Variants in KCNG3 observed in about 807,000 individuals in gnomAD.
The protein encoded by KCNG3 is voltage-gated potassium channel regulatory subunit KCNG3.
Under a neutral mutation model 29.0 loss-of-function variants are expected in KCNG3, and 15 were observed. That is an observed-to-expected ratio of 0.52 (90% CI 0.35 to 0.80). The LOEUF (loss-of-function observed/expected upper bound fraction) is 0.80, where lower values mean the gene tolerates loss of function less well. KCNG3 is among the 30% of genes least tolerant of loss of function. KCNG3 has a pLI of 0.01. For missense variants in KCNG3, 512 were observed against 605.7 expected (o/e 0.85, Z 1.62); for synonymous variants, 322 against 248.9 (o/e 1.29, Z -2.76).
chr2:42,477,931 G>A (rs1673479979), intron 1 of KCNG3, among the ~76,000 whole-genome samples: 1 of 151,892 alleles, frequency 6.6e-6, no homozygotes, highest in African/African-American at 2.4e-5. Flanking sequence ...CATCCCACAG[G>A]GTTTTATACC....
chr2:42,479,718 T>C (rs1673534298), intron 1 of KCNG3, among the ~76,000 whole-genome samples: 1 of 147,980 alleles, frequency 6.8e-6, no homozygotes, highest in South Asian at 2.2e-4. Context: ...TCTCTGAAAT[T>C]AACACAAATC....
chr2:42,463,933 C>T (rs6544548), intron 1 of KCNG3: 197,298 of 334,308 alleles, frequency 0.59, 60,014 homozygotes, highest in Middle Eastern at 0.74. Context: ...GCCTAATCCA[C>T]AGCCCTTGGT....
intron 1 of KCNG3, among the ~76,000 whole-genome samples, chr2:42,474,107 A>T (rs1222712747): frequency 6.9e-6 from 1 of 144,026 alleles, no homozygotes; most frequent in Non-Finnish European, 1.5e-5. Flanking sequence ...AGCCGAGATC[A>T]CCCCTTGCTG....
At chr2:42,435,556 C>A in the KCNG3 span, among the ~76,000 whole-genome samples, 2 of 152,106 alleles carry the variant, frequency 1.3e-5, no homozygotes, top group Non-Finnish European at 2.9e-5. Flanking sequence ...ATAAACAACT[C>A]TTAAAATCCA....
At chr2:42,477,436 T>TGAGACGGAGTC in intron 1 of KCNG3, among the ~76,000 whole-genome samples, 1 of 89,258 alleles carries the variant, frequency 1.1e-5, no homozygotes. Context: ...TATTTTTTTT[T>TGAGACGGAGTC]TTTTTTTTTG....
At chr2:42,448,009 A>G (rs1415792423) in intron 1 of KCNG3, among the ~76,000 whole-genome samples, 1 of 152,180 alleles carries the variant, frequency 6.6e-6, no homozygotes, top group Non-Finnish European at 1.5e-5. Flanking sequence ...AATGCATAGG[A>G]GTGTCTATTC....
At chr2:42,431,156 G>A in the KCNG3 span, among the ~76,000 whole-genome samples, 1 of 151,014 alleles carries the variant, frequency 6.6e-6, no homozygotes. Flanking sequence ...TTATGAAAAA[G>A]TTGCTATAAT....
the KCNG3 span, among the ~76,000 whole-genome samples, chr2:42,390,857 C>T: frequency 6.6e-6 from 1 of 152,192 alleles, no homozygotes; most frequent in Non-Finnish European, 1.5e-5. Context: ...CTTATATTTT[C>T]ATTTCCCCTC....
the KCNG3 span, among the ~76,000 whole-genome samples, chr2:42,434,666 CAAAAAAA>C: frequency 3.1e-5 from 2 of 64,694 alleles, no homozygotes; most frequent in African/African-American, 1.2e-4. Context: ...AACTCCATCT[CAAAAAAA>C]AAAAAAAAAA....
At chr2:42,420,508 G>T in the KCNG3 span, among the ~76,000 whole-genome samples, 1 of 152,028 alleles carries the variant, frequency 6.6e-6, no homozygotes, top group Non-Finnish European at 1.5e-5. Flanking sequence ...TCCAACAGGG[G>T]GCCGGGTGAG....
chr2:42,400,024 G>A, the KCNG3 span, among the ~76,000 whole-genome samples: 2 of 152,176 alleles, frequency 1.3e-5, no homozygotes, highest in Admixed American at 6.5e-5. Flanking sequence ...AGAGAGGATC[G>A]CTTGAGCCTG....
chr2:42,451,837 C>T (rs546930900), intron 1 of KCNG3, among the ~76,000 whole-genome samples: 7 of 151,794 alleles, frequency 4.6e-5, no homozygotes, highest in Non-Finnish European at 8.8e-5. Context: ...GAGTTCAAGG[C>T]TGCAGGGAGC....
intron 1 of KCNG3, among the ~76,000 whole-genome samples, chr2:42,484,021 G>T (rs778206088): frequency 6.6e-6 from 1 of 152,104 alleles, no homozygotes; most frequent in Non-Finnish European, 1.5e-5. Context: ...GAGCTCAAGC[G>T]ATCCTCTCGC....
downstream of KCNG3, among the ~76,000 whole-genome samples, chr2:42,437,657 G>A (rs1255885579): frequency 6.6e-6 from 1 of 152,074 alleles, no homozygotes; most frequent in African/African-American, 2.4e-5. Flanking sequence ...AAATATGTGG[G>A]CTGGGTGTGT....
At chr2:42,449,853 GATA>G (rs1211815899) in intron 1 of KCNG3, among the ~76,000 whole-genome samples, 1 of 152,178 alleles carries the variant, frequency 6.6e-6, no homozygotes, top group Non-Finnish European at 1.5e-5. Flanking sequence ...ACGCAGCAGT[GATA>G]ATAATAGTTT....
At chr2:42,439,303 C>T (rs528380690), downstream of KCNG3, among the ~76,000 whole-genome samples, 1 of 151,032 alleles carries the variant, frequency 6.6e-6, no homozygotes, top group Admixed American at 6.6e-5. Context: ...CCTCTGTCAC[C>T]CATGCTAGAG....
intron 1 of KCNG3, among the ~76,000 whole-genome samples, chr2:42,478,454 C>A (rs112952562): frequency 0.15 from 22,952 of 151,978 alleles, 2,315 homozygotes; most frequent in East Asian, 0.37. Context: ...TGGTCTTGAA[C>A]TCCTGGGCTC....
At chr2:42,440,457 T>C (rs1033578240), downstream of KCNG3, 3 of 147,074 alleles carry the variant, frequency 2.0e-5, no homozygotes, top group African/African-American at 7.6e-5. Flanking sequence ...AAATATTGTT[T>C]TGCATCTTTT....
the KCNG3 span, among the ~76,000 whole-genome samples, chr2:42,416,351 G>T: frequency 3.3e-5 from 5 of 152,198 alleles, no homozygotes; most frequent in African/African-American, 1.2e-4. Flanking sequence ...AGTGGTGCAT[G>T]CCTGTAGTTC....
Sources: allele counts gnomAD v4.1 joint callset (sites outside exome capture counted in the v4.1 genomes callset), GRCh38; gene constraint gnomAD v4.1.1; transcripts MANE v1.5; gene names NCBI Gene and HGNC (gene_info 2026-07-23, HGNC 2026-07-21).